The following NIPA1 variants were observed in gnomAD, a reference collection of about 807,000 sequenced individuals.
The protein encoded by NIPA1 is NIPA magnesium transporter 1, also known as magnesium transporter NIPA1.
A neutral mutation model predicts 23.9 loss-of-function variants in NIPA1; 13 were observed. The ratio of observed to expected loss-of-function variants is 0.54; its 90% CI spans 0.35 to 0.87. The LOEUF is 0.87. Among genes scored for constraint, NIPA1 ranks in the 40% least tolerant of loss-of-function variants. The probability of loss-of-function intolerance (pLI) is 0.01; values close to 1 mark genes in which losing one functional copy is unlikely to be tolerated. For missense variants in NIPA1, 362 were observed against 429.7 expected (o/e 0.84, Z 1.39); for synonymous variants, 234 against 202.9 (o/e 1.15, Z -1.30).
At chr15:22,811,293 CA>C (rs1595640735) in intron 2 of NIPA1, among the ~76,000 whole-genome samples, 2 of 152,224 alleles carry the variant, frequency 1.3e-5, no homozygotes, top group South Asian at 2.1e-4. Context: ...TTATAAAGGA[CA>C]ATTGTCTTTG....
intron 1 of NIPA1, among the ~76,000 whole-genome samples, chr15:22,788,272 C>T (rs1424523462): frequency 2.0e-5 from 3 of 151,964 alleles, no homozygotes; most frequent in East Asian, 1.9e-4. Context: ...GAGGCCGAGG[C>T]GGGCGGGTCA....
At chr15:22,807,457 C>T (rs8037503) in intron 1 of NIPA1, among the ~76,000 whole-genome samples, 81 of 152,182 alleles carry the variant, frequency 5.3e-4, no homozygotes, top group African/African-American at 1.9e-3. Context: ...TGGTGGCCCA[C>T]GCCTGTAATC....
At position 22,814,452 on chromosome 15, in the gene NIPA1, C is replaced by T. The variant is rs536359547; in HGVS notation, c.317+2199C>T. ...TCTCCTGACCTCGTGATCCGCCCGC[C>T]GTCCTCCCAGAGTGCTGGGATTACA... On this transcript the variant is annotated intron_variant, in intron 3 of 4. Transcript: ENST00000337435. Among the ~76,000 whole-genome samples the T allele has an allele frequency of 6.3e-3, 961 of 152,038 alleles. 5 individuals carry two copies. Among genetic ancestry groups the T allele is most frequent in the Non-Finnish European group, 8.6e-3 (585 of 68,006 alleles).
At chr15:22,803,503 CTTTTTTTT>C (rs35223839) in intron 1 of NIPA1, among the ~76,000 whole-genome samples, 1 of 69,332 alleles carries the variant, frequency 1.4e-5, no homozygotes, top group Non-Finnish European at 2.5e-5. Flanking sequence ...TTAAAAGTGC[CTTTTTTTT>C]TTTTTTTTTT....
intron 3 of NIPA1, among the ~76,000 whole-genome samples, chr15:22,812,864 G>A (rs1466398965): frequency 6.6e-6 from 1 of 152,120 alleles, no homozygotes; most frequent in Non-Finnish European, 1.5e-5. Context: ...AGAGTCTTCT[G>A]ACACCTTGGC....
intron 3 of NIPA1, among the ~76,000 whole-genome samples, chr15:22,813,913 C>G (rs1334851879): frequency 6.6e-6 from 1 of 152,160 alleles, no homozygotes; most frequent in Non-Finnish European, 1.5e-5. Context: ...ACCCGTCCCC[C>G]TGAAAGATAA....
chr15:22,797,510 C>CT lies in NIPA1; in HGVS notation c.178+10690dup, dbSNP rs35158063. Among the ~76,000 whole-genome samples the CT allele has an allele frequency of 1.6e-3, 199 of 124,548 alleles. 13 individuals are homozygous for CT. Among genetic ancestry groups the CT allele is most frequent in the Middle Eastern group, 0.015 (3 of 202 alleles). 81.7% of individuals were successfully genotyped at this position (124,548 alleles called of 152,430 possible). A position where few individuals can be genotyped will look rare whatever the true frequency, so the allele number is the denominator to read the frequency against. ...TACAGGCGTGAGTCACCGCGCCTGGCTTTTTTTTTTTTTTGAGATGGAGTT... is the reference window on the plus strand; with the variant it reads ...TACAGGCGTGAGTCACCGCGCCTGGCTTTTTTTTTTTTTTTGAGATGGAGTT... On this transcript the variant is annotated intron_variant, in intron 1 of 4. Transcript: ENST00000337435.
At chr15:22,800,666 C>A (rs537215923) in intron 1 of NIPA1, among the ~76,000 whole-genome samples, 2 of 151,988 alleles carry the variant, frequency 1.3e-5, no homozygotes, top group Non-Finnish European at 2.9e-5. Flanking sequence ...TCGTGGCTCA[C>A]GCCTGTAATC....
intron 3 of NIPA1, among the ~76,000 whole-genome samples, chr15:22,818,693 A>T (rs1451648718): frequency 2.6e-5 from 4 of 151,808 alleles, no homozygotes; most frequent in African/African-American, 9.7e-5. Context: ...GCTACTCGGG[A>T]GGCTGAGGCA....
intron 3 of NIPA1, among the ~76,000 whole-genome samples, chr15:22,815,555 T>C (rs1432091741): frequency 1.3e-5 from 2 of 152,074 alleles, no homozygotes; most frequent in East Asian, 1.9e-4. Context: ...GGGGCAGAGA[T>C]TGCAGTGAAT....
chr15:22,786,234 G>A (rs1211211812), upstream of NIPA1: 1 of 152,216 alleles, frequency 6.6e-6, no homozygotes, highest in East Asian at 1.9e-4. Flanking sequence ...GCGGCGCGCC[G>A]GGCTTCGCGC....
At chr15:22,818,990 C>T (rs538964006) in intron 3 of NIPA1, among the ~76,000 whole-genome samples, 30 of 152,254 alleles carry the variant, frequency 2.0e-4, no homozygotes, top group African/African-American at 6.5e-4. Context: ...CCCTGCATTT[C>T]TGGTTTCTCC....
At chr15:22,792,751 T>G (rs953972689) in intron 1 of NIPA1, among the ~76,000 whole-genome samples, 12 of 151,538 alleles carry the variant, frequency 7.9e-5, no homozygotes, top group African/African-American at 2.9e-4. Flanking sequence ...GTCAGGTGTT[T>G]GAGACCAGCC....
Position 22,810,792 on chromosome 15 carries a change from C to G in NIPA1, c.222C>G (p.Ile74Met), listed in dbSNP as rs778472114. 1.7e-5 allele frequency: 28 copies of G among 1,606,826 alleles called. No individual in the cohort carries two copies. Among genetic ancestry groups the G allele is most frequent in the Non-Finnish European group, 1.7e-5 (20 of 1,173,496 alleles). Residue 74 changes from isoleucine (I) to methionine (M), a missense_variant, in exon 2 of 5, where the codon ATC becomes ATG. This residue lies in a region of NIPA1 where 277 missense variants were observed against 372.0 expected (regional missense o/e 0.74). Coordinates refer to ENST00000337435, the MANE Select transcript of NIPA1 (RefSeq NM_144599.5). ...ACATTGTGTGGTGGGCTGGCACAAT[C>G]GCAAGTAAGTAGCCTGTGTGGCGAA... ...LTDIVWWAGT[I>M]AMAVGQIGNF...
At chr15:22,791,864 G>A (rs117460072) in intron 1 of NIPA1, among the ~76,000 whole-genome samples, 4,852 of 152,120 alleles carry the variant, frequency 0.032, 109 homozygotes, top group Non-Finnish European at 0.046. Context: ...GGCTCGGATG[G>A]GACAGCCTGC....
intron 1 of NIPA1, among the ~76,000 whole-genome samples, chr15:22,810,520 T>A (rs1006249905): frequency 6.6e-6 from 1 of 152,118 alleles, no homozygotes; most frequent in African/African-American, 2.4e-5. Flanking sequence ...TTTCCTTATT[T>A]GGGTCAGCCT....
chr15:22,786,457 TG>T (rs1894698195), upstream of NIPA1, among the ~76,000 whole-genome samples: 1 of 147,284 alleles, frequency 6.8e-6, no homozygotes, highest in South Asian at 2.1e-4. Flanking sequence ...GGCCCCTCAC[TG>T]CCGCCGCGTC....
At chr15:22,821,436 G>A (rs1272224907) in intron 4 of NIPA1, among the ~76,000 whole-genome samples, 3 of 151,414 alleles carry the variant, frequency 2.0e-5, no homozygotes, top group African/African-American at 4.8e-5. Context: ...GTCCACACTC[G>A]CTGGTTTGCA....
intron 3 of NIPA1, among the ~76,000 whole-genome samples, chr15:22,818,420 G>T (rs1895468324): frequency 6.6e-6 from 1 of 150,862 alleles, no homozygotes; most frequent in Non-Finnish European, 1.5e-5. Flanking sequence ...TGGGCACCAA[G>T]AGGGAAACTC....
Sources: gnomAD v4.1 joint callset for allele counts (sites outside exome capture counted in the v4.1 genomes callset) on GRCh38, gnomAD v4.1.1 for gene constraint, gnomAD v4.1.1 regional missense constraint, MANE v1.5 for transcripts, NCBI Gene and HGNC (gene_info 2026-07-23, HGNC 2026-07-21) for gene names.